TTLL1: variants seen among roughly 807,000 people sequenced by gnomAD.
TTLL1 encodes polyglutamylase complex subunit TTLL1.
TTLL1 carries 33 observed loss-of-function variants against 47.8 expected under a neutral mutation model. The observed-to-expected ratio is 0.69, with a 90% CI of 0.52 to 0.92. The LOEUF (loss-of-function observed/expected upper bound fraction) is 0.92, where lower values mean the gene tolerates loss of function less well. TTLL1 is among the 40% of genes least tolerant of loss of function. The pLI, the probability that TTLL1 is intolerant of heterozygous loss-of-function variation, is 0.00. For synonymous variants in TTLL1, 225 were observed against 214.1 expected (o/e 1.05, Z -0.45); for missense variants, 488 against 547.5 (o/e 0.89, Z 1.08).
rs1338674632 is a variant in TTLL1, at chr22:43,073,829, A to AT, written c.113+1644dup. Among the ~76,000 whole-genome samples, 78 of 142,346 alleles carry AT rather than the reference A, an allele frequency of 5.5e-4. 2 individuals carry two copies. The South Asian group carries it at 8.4e-3, about 15-fold the overall frequency. The allele number at this position is 142,346 out of a possible 152,430, so 93.4% of individuals were successfully genotyped here. On this transcript the variant is annotated intron_variant, in intron 3 of 10. Transcript: ENST00000266254. ...GCTCTTCTTTTTTATTTATTTATTT[A>AT]TTTATTTTTTTTGAGACAGAGTCTC...
At position 43,064,237 on chromosome 22, in the gene TTLL1, C is replaced by G; in HGVS notation, c.591G>C (p.Leu197=). ...PLLIGGRKFD[L]RLYVLVSTYR... is the part of the protein sequence containing the mutation. ...ACGTGGACACCAGAACGTACAAGCG[C>G]AGGTCGAACTTCCTCCCGCCAATTA... Residue 197 remains leucine (L), a synonymous_variant, in exon 6 of 11, where the codon CTG becomes CTC. Transcript: ENST00000266254. 6.2e-7 allele frequency: 1 copy of G among 1,614,140 alleles called. No homozygotes were observed. Among genetic ancestry groups the G allele is most frequent in the Non-Finnish European group, 8.5e-7 (1 of 1,180,036 alleles).
At chr22:43,070,663 A>G (rs1928057868) in intron 3 of TTLL1, among the ~76,000 whole-genome samples, 1 of 152,052 alleles carries the variant, frequency 6.6e-6, no homozygotes, top group Non-Finnish European at 1.5e-5. Context: ...TCACACTCAG[A>G]AGGAGAGAGA....
At chr22:43,080,791 T>C (rs1159345832) in intron 1 of TTLL1, among the ~76,000 whole-genome samples, 1 of 145,460 alleles carries the variant, frequency 6.9e-6, no homozygotes, top group African/African-American at 2.5e-5. Context: ...TCTCCTGCCA[T>C]CCTTGCTGGC....
intron 9 of TTLL1, among the ~76,000 whole-genome samples, chr22:43,048,207 C>T (rs1239133219): frequency 6.6e-6 from 1 of 151,728 alleles, no homozygotes; most frequent in Non-Finnish European, 1.5e-5. Context: ...ATCCCAGCCA[C>T]TTGGGAGACT....
At chr22:43,070,382 C>T (rs1251673244) in intron 3 of TTLL1, 8 of 410,756 alleles carry the variant, frequency 1.9e-5, no homozygotes, top group South Asian at 3.8e-5. Context: ...GAGAAAGCCA[C>T]GGTCTCCCCG....
At chr22:43,059,302 G>A in intron 8 of TTLL1, 82 bp downstream of exon 8, 1 of 1,530,200 alleles carries the variant, frequency 6.5e-7, no homozygotes, top group Non-Finnish European at 8.8e-7. Flanking sequence ...CTGAAAACAG[G>A]GATTTTTAAC....
At chr22:43,043,860 T>C (rs1925893524) in intron 10 of TTLL1, among the ~76,000 whole-genome samples, 1 of 151,982 alleles carries the variant, frequency 6.6e-6, no homozygotes, top group Non-Finnish European at 1.5e-5. Context: ...CCCAGATCCC[T>C]TGGAGAGCCA....
intron 1 of TTLL1, among the ~76,000 whole-genome samples, chr22:43,080,973 A>G (rs1014885041): frequency 1.6e-5 from 2 of 127,828 alleles, no homozygotes; most frequent in Non-Finnish European, 3.1e-5. Context: ...CTGGAGTGCA[A>G]TGGCACATCT....
At chr22:43,077,487 G>T (rs1188371378) in intron 2 of TTLL1, among the ~76,000 whole-genome samples, 1 of 152,128 alleles carries the variant, frequency 6.6e-6, no homozygotes, top group Non-Finnish European at 1.5e-5. Context: ...TGGGGGCCAG[G>T]GAGCTGGCTT....
chr22:43,066,407 C>A (rs1378874925), intron 5 of TTLL1, among the ~76,000 whole-genome samples: 1 of 151,802 alleles, frequency 6.6e-6, no homozygotes, highest in African/African-American at 2.4e-5. Flanking sequence ...GCCTGGCCAT[C>A]TGGGGGCTAG....
intron 2 of TTLL1, among the ~76,000 whole-genome samples, chr22:43,079,179 A>G (rs13056328): frequency 3.0e-3 from 183 of 60,306 alleles, no homozygotes; most frequent in African/African-American, 8.4e-3. Flanking sequence ...CCTCACACCC[A>G]CAGACACGGG....
chr22:43,060,200 T>C (rs1927305087), intron 7 of TTLL1, among the ~76,000 whole-genome samples: 1 of 152,200 alleles, frequency 6.6e-6, no homozygotes, highest in Non-Finnish European at 1.5e-5. Flanking sequence ...GCACAGGCTG[T>C]GGAGTGCTGC....
chr22:43,055,694 G>A (rs539083738), intron 8 of TTLL1, among the ~76,000 whole-genome samples: 1 of 150,018 alleles, frequency 6.7e-6, no homozygotes. Context: ...GGCTGGTCTT[G>A]AACTCCTGGC....
At chr22:43,066,972 A>G (rs1322755859) in intron 5 of TTLL1, among the ~76,000 whole-genome samples, 1 of 152,016 alleles carries the variant, frequency 6.6e-6, no homozygotes, top group East Asian at 1.9e-4. Flanking sequence ...TGGGCAACAG[A>G]GTGAGACTCC....
At chr22:43,057,043 G>A (rs1231472065) in intron 8 of TTLL1, among the ~76,000 whole-genome samples, 1 of 152,106 alleles carries the variant, frequency 6.6e-6, no homozygotes, top group Non-Finnish European at 1.5e-5. Flanking sequence ...AGGCTGAGGT[G>A]GGTGGATCAC....
intron 3 of TTLL1, among the ~76,000 whole-genome samples, chr22:43,072,788 A>T (rs1468894332): frequency 2.6e-5 from 4 of 151,678 alleles, no homozygotes; most frequent in Non-Finnish European, 5.9e-5. Flanking sequence ...CCACCCAGCT[A>T]ATTTTTTTGA....
At chr22:43,053,041 C>T (rs1477082006) in intron 8 of TTLL1, among the ~76,000 whole-genome samples, 1 of 152,080 alleles carries the variant, frequency 6.6e-6, no homozygotes, top group Non-Finnish European at 1.5e-5. Context: ...GCCTGGGCAA[C>T]AAGAGCGAAA....
chr22:43,068,526 C>G lies in TTLL1; in HGVS notation c.387G>C (p.Lys129Asn). The G allele has an allele frequency of 6.4e-7, 1 of 1,569,018 alleles. No homozygotes were observed. Among genetic ancestry groups the G allele is most frequent in the Non-Finnish European group, 8.7e-7 (1 of 1,147,476 alleles). ...TCATGATCCAGGTGCTGGACGGGCT[C>G]TTCCGGAACTCCTCTACAAACAGGT... is the stretch of plus-strand genomic sequence containing the variant. ...DYNLFVEEFR[K>N]SPSSTWIMKP... Residue 129 changes from lysine to asparagine, a missense_variant, in exon 5 of 11, where the codon AAG becomes AAC. Transcript: ENST00000266254.
intron 9 of TTLL1, among the ~76,000 whole-genome samples, chr22:43,047,864 C>A (rs1926267340): frequency 6.6e-6 from 1 of 152,160 alleles, no homozygotes; most frequent in South Asian, 2.1e-4. Context: ...AATTTGTAAG[C>A]TGTTTACATT....
Sources: gnomAD v4.1 joint callset for allele counts (sites outside exome capture counted in the v4.1 genomes callset) on GRCh38, gnomAD v4.1.1 for gene constraint, MANE v1.5 for transcripts, NCBI Gene and HGNC (gene_info 2026-07-23, HGNC 2026-07-21) for gene names.